Variants in CABLES1 observed in about 807,000 individuals in gnomAD.
CABLES1 encodes CDK5 and ABL1 enzyme substrate 1.
CABLES1 carries 36 observed loss-of-function variants against 57.8 expected under a neutral mutation model. That is an observed-to-expected ratio of 0.62 (90% confidence interval 0.48 to 0.82). The LOEUF is 0.82. CABLES1 is among the 40% of genes least tolerant of loss of function. The pLI, the probability that CABLES1 is intolerant of heterozygous loss-of-function variation, is 0.00. For missense variants in CABLES1, 767 were observed against 836.6 expected, an observed-to-expected ratio of 0.92 and a Z score of 1.03; for synonymous variants, 374 against 363.0, an observed-to-expected ratio of 1.03 and a Z score of -0.35.
chr18:23,223,684 A>G (rs2047506676), intron 4 of CABLES1, among the ~76,000 whole-genome samples: 1 of 151,126 alleles, frequency 6.6e-6, no homozygotes. Flanking sequence ...CTCTGTGTCT[A>G]GGGTGGACTG....
At chr18:23,179,105 G>A (rs2047145479) in intron 1 of CABLES1, among the ~76,000 whole-genome samples, 1 of 152,066 alleles carries the variant, frequency 6.6e-6, no homozygotes, top group South Asian at 2.1e-4. Context: ...GGCCAACACG[G>A]TGAAACCCTG....
intron 3 of CABLES1, among the ~76,000 whole-genome samples, chr18:23,210,981 A>C (rs974424733): frequency 6.6e-6 from 1 of 152,106 alleles, no homozygotes; most frequent in African/African-American, 2.4e-5. Context: ...CCATATTCAT[A>C]GTTGCTAAAC....
chr18:23,169,439 C>T (rs1016835782), intron 1 of CABLES1, among the ~76,000 whole-genome samples: 3 of 152,146 alleles, frequency 2.0e-5, no homozygotes, highest in African/African-American at 7.2e-5. Context: ...TATGTTATGT[C>T]CACTAGGTCC....
intron 3 of CABLES1, among the ~76,000 whole-genome samples, chr18:23,200,012 A>G (rs1446993481): frequency 1.3e-5 from 2 of 152,202 alleles, no homozygotes; most frequent in African/African-American, 4.8e-5. Flanking sequence ...CTCACCAAGT[A>G]GAACTGGAAG....
At chr18:23,192,582 C>T (rs1171194695) in intron 2 of CABLES1, among the ~76,000 whole-genome samples, 1 of 152,202 alleles carries the variant, frequency 6.6e-6, no homozygotes, top group African/African-American at 2.4e-5. Context: ...AGCTCTTGGC[C>T]TGCTGCCCTC....
At chr18:23,235,792 G>T (rs2047602974) in intron 5 of CABLES1, 103 bp from the exon 6 acceptor site, 1 of 1,162,922 alleles carries the variant, frequency 8.6e-7, no homozygotes, top group Non-Finnish European at 1.2e-6. Context: ...GCAAATAGGA[G>T]AAAGTGGACC....
chr18:23,256,836 A>C (rs1162343950), intron 9 of CABLES1, among the ~76,000 whole-genome samples: 1 of 152,184 alleles, frequency 6.6e-6, no homozygotes, highest in Non-Finnish European at 1.5e-5. Flanking sequence ...CCACAGGTAG[A>C]GTTTGAGTCC....
At chr18:23,175,490 C>A (rs570475404) in intron 1 of CABLES1, among the ~76,000 whole-genome samples, 1 of 152,064 alleles carries the variant, frequency 6.6e-6, no homozygotes, top group East Asian at 1.9e-4. Flanking sequence ...TTCTTTCTTT[C>A]TTTTTTTGCA....
chr18:23,199,861 A>T (rs1434457239), intron 3 of CABLES1, among the ~76,000 whole-genome samples: 1 of 152,194 alleles, frequency 6.6e-6, no homozygotes, highest in Non-Finnish European at 1.5e-5. Flanking sequence ...ATTTTTTCCC[A>T]CAATAAAATA....
At chr18:23,250,923 C>T (rs73966104) in intron 7 of CABLES1, among the ~76,000 whole-genome samples, 5,515 of 152,286 alleles carry the variant, frequency 0.036, 326 homozygotes, top group African/African-American at 0.13. Flanking sequence ...ATCACTTGAA[C>T]GGGGATGTGC....
intron 1 of CABLES1, chr18:23,149,755 C>T (rs570596548): frequency 6.6e-6 from 1 of 152,350 alleles, no homozygotes; most frequent in African/African-American, 2.4e-5. Flanking sequence ...GGGTCAGAAG[C>T]TCTGGGGCGG....
At chr18:23,140,811 TTG>T (rs1290199771) in intron 1 of CABLES1, among the ~76,000 whole-genome samples, 4 of 152,138 alleles carry the variant, frequency 2.6e-5, no homozygotes, top group Admixed American at 2.0e-4. Flanking sequence ...CCTTGTGGGT[TTG>T]TGGTACGGAA....
chr18:23,207,629 A>T (rs542866182), intron 3 of CABLES1, among the ~76,000 whole-genome samples: 1 of 152,322 alleles, frequency 6.6e-6, no homozygotes, highest in Admixed American at 6.5e-5. Context: ...TGGGCCATTC[A>T]TCATCAGATC....
chr18:23,172,157 CT>C (rs2047087240), intron 1 of CABLES1, among the ~76,000 whole-genome samples: 1 of 152,134 alleles, frequency 6.6e-6, no homozygotes, highest in African/African-American at 2.4e-5. Context: ...TCTTTTACTT[CT>C]TTGTATCTGT....
At chr18:23,198,495 G>GA (rs2047300671) in intron 3 of CABLES1, among the ~76,000 whole-genome samples, 1 of 152,156 alleles carries the variant, frequency 6.6e-6, no homozygotes. Flanking sequence ...CCATCCCCAG[G>GA]ACCTGTTACT....
chr18:23,245,474 C>T (rs528458103), intron 7 of CABLES1, among the ~76,000 whole-genome samples: 78 of 151,294 alleles, frequency 5.2e-4, no homozygotes, highest in African/African-American at 1.8e-3. Flanking sequence ...TGTACTCCAT[C>T]CTGGGCAACA....
At chr18:23,163,014 G>A (rs1291483315) in intron 1 of CABLES1, among the ~76,000 whole-genome samples, 1 of 152,208 alleles carries the variant, frequency 6.6e-6, no homozygotes, top group Admixed American at 6.5e-5. Context: ...CTGGTGGGCA[G>A]GTATGTGAAG....
intron 8 of CABLES1, among the ~76,000 whole-genome samples, chr18:23,253,464 C>G (rs1345391323): frequency 2.6e-5 from 4 of 152,210 alleles, no homozygotes; most frequent in African/African-American, 9.6e-5. Flanking sequence ...GCCTGGAAAA[C>G]AGAGTGAGAC....
intron 1 of CABLES1, among the ~76,000 whole-genome samples, chr18:23,178,133 C>T (rs1233894011): frequency 1.3e-5 from 2 of 152,170 alleles, no homozygotes; most frequent in African/African-American, 4.8e-5. Flanking sequence ...TCCCCACCCC[C>T]TCCATGAGTA....
Sources: allele counts gnomAD v4.1 joint callset (sites outside exome capture counted in the v4.1 genomes callset), GRCh38; gene constraint gnomAD v4.1.1; transcripts MANE v1.5; gene names NCBI Gene and HGNC (gene_info 2026-07-23, HGNC 2026-07-21).